HEPH: variants seen among roughly 807,000 people sequenced by gnomAD.
HEPH encodes hephaestin.
In HEPH, 69 loss-of-function variants were observed where a neutral mutation model predicts 80.8. The ratio of observed to expected loss-of-function variants is 0.85; its 90% CI spans 0.70 to 1.04. The LOEUF (loss-of-function observed/expected upper bound fraction) is 1.04, where lower values mean the gene tolerates loss of function less well. Among genes scored for constraint, HEPH ranks in the 50% least tolerant of loss-of-function variants. HEPH has a pLI of 0.00. For missense variants in HEPH, 1,115 were observed against 891.3 expected, an observed-to-expected ratio of 1.25 and a Z score of -3.20; for synonymous variants, 431 against 322.8, an observed-to-expected ratio of 1.34 and a Z score of -3.60.
At chrX:66,226,795 T>TA (rs1293014970) in intron 15 of HEPH, among the ~76,000 whole-genome samples, 3 of 110,937 alleles carry the variant, frequency 2.7e-5, no homozygotes, top group Admixed American at 9.6e-5. Context: ...GAAATGGTAA[T>TA]AAAAAAATTG....
At chrX:66,258,137 C>G (rs1400978131) in intron 17 of HEPH, among the ~76,000 whole-genome samples, 1 of 111,897 alleles carries the variant, frequency 8.9e-6, no homozygotes, top group Non-Finnish European at 1.9e-5. Flanking sequence ...TGTATACATA[C>G]ATTCTTTCCT....
chrX:66,174,512 C>A (rs1422432145), intron 4 of HEPH, among the ~76,000 whole-genome samples: 1 of 111,732 alleles, frequency 8.9e-6, no homozygotes, highest in East Asian at 2.8e-4. Flanking sequence ...TTCTTTTCCT[C>A]TGGGTAGATG....
chrX:66,208,372 A>T, intron 15 of HEPH, 126 bp downstream of exon 15: 1 of 672,492 alleles, frequency 1.5e-6, no homozygotes, highest in Non-Finnish European at 2.1e-6. Context: ...TAATCCCAGC[A>T]GTTTGAGAGG....
intron 15 of HEPH, among the ~76,000 whole-genome samples, chrX:66,241,835 A>T (rs1204251920): frequency 9.0e-6 from 1 of 111,245 alleles, no homozygotes; most frequent in Non-Finnish European, 1.9e-5. Context: ...CTGTAACAGA[A>T]TTACAAAACA....
intron 15 of HEPH, among the ~76,000 whole-genome samples, chrX:66,218,520 C>T (rs935696652): frequency 6.3e-5 from 7 of 111,793 alleles, no homozygotes; most frequent in African/African-American, 2.3e-4. Flanking sequence ...CACAACCTAT[C>T]GAAACCTCTG....
rs1030665684 is a variant in HEPH at position 66,266,465 on chromosome X, A to C, written c.3270A>C (p.Glu1090Asp). ...CAGTGCCCCCCAGAGACATTGAAGA[A>C]GGCAATGTGAAGATGCTGGGCATGC... ...EKAVPPRDIE[E>D]GNVKMLGMQI... The change falls in exon 21 of 21, where the codon GAA (glutamate) becomes GAC (aspartate). Residue 1090 changes from glutamate (E) to aspartate (D), a missense_variant. Transcript: ENST00000343002. 1.4e-5 allele frequency: 17 copies of C among 1,205,815 alleles called. No individual in the cohort carries two copies. The highest frequency in any genetic ancestry group is 1.9e-5 in the Non-Finnish European group (17 of 893,006).
In HEPH at chrX:66,256,319, A is replaced by G; in HGVS notation, c.2885A>G (p.Asn962Ser). ...NLQDETFLES[N>S]KMHAINGKLY... Reference sequence around the variant, plus strand: ...CAGGATGAAACTTTCTTGGAGAGCAATAAAATGCATGGTCAGTAGTAAAAA... The same window carrying G: ...CAGGATGAAACTTTCTTGGAGAGCAGTAAAATGCATGGTCAGTAGTAAAAA... Residue 962 changes from asparagine (N) to serine (S), a missense_variant, in exon 17 of 21, where the codon AAT becomes AGT. By Grantham distance (46) the Asn-to-Ser change is conservative. Around this residue, in one of 3 missense-constraint regions of HEPH, gnomAD observed 716 missense variants for 523.5 expected, o/e 1.37. Transcript: ENST00000343002. 11 of 1,195,448 alleles carry G rather than the reference A, an allele frequency of 9.2e-6. No individual in the cohort carries two copies. The highest frequency in any genetic ancestry group is 1.1e-5 in the Non-Finnish European group (10 of 881,283).
At chrX:66,191,704 C>T (rs769031926) in intron 6 of HEPH, among the ~76,000 whole-genome samples, 4 of 112,043 alleles carry the variant, frequency 3.6e-5, no homozygotes, top group Non-Finnish European at 5.6e-5. Context: ...AAATTTGATG[C>T]TCCTACCAGC....
At chrX:66,179,046 C>G (rs1307693158) in intron 4 of HEPH, among the ~76,000 whole-genome samples, 1 of 111,539 alleles carries the variant, frequency 9.0e-6, no homozygotes, top group African/African-American at 3.3e-5. Context: ...ATGGTATTGC[C>G]TAGGTTTTCT....
In HEPH at chrX:66,203,406, C is replaced by A. The variant is rs775221683; in HGVS notation, c.2120C>A (p.Ala707Glu). ...TGCCAGGCAGGCAGCCATCGAGAAG[C>A]AGGGATGAGGGCAATCTATAATGTC... ...IYCQAGSHRE[A>E]GMRAIYNVSQ... is the part of the protein sequence containing the mutation. The change falls in exon 13 of 21, where the codon GCA (alanine) becomes GAA (glutamate). Residue 707 changes from alanine (A) to glutamate (E), a missense_variant. Coordinates refer to ENST00000343002, the MANE Select transcript of HEPH (RefSeq NM_001367233.3). 1.7e-6 allele frequency: 2 copies of A among 1,210,536 alleles called. No homozygotes were observed. The highest frequency in any genetic ancestry group is 2.2e-6 in the Non-Finnish European group (2 of 895,113).
At chrX:66,233,424 T>G (rs2090236083) in intron 15 of HEPH, among the ~76,000 whole-genome samples, 1 of 111,571 alleles carries the variant, frequency 9.0e-6, no homozygotes, top group African/African-American at 3.3e-5. Flanking sequence ...GGCTTTGTAG[T>G]GCTTTGGCTG....
chrX:66,214,529 C>A (rs1238731510), intron 15 of HEPH, among the ~76,000 whole-genome samples: 4 of 111,066 alleles, frequency 3.6e-5, no homozygotes, highest in Non-Finnish European at 7.6e-5. Context: ...GAATTTTGGC[C>A]TCATAGTTTG....
intron 8 of HEPH, among the ~76,000 whole-genome samples, chrX:66,194,538 A>T (rs755702915): frequency 8.9e-6 from 1 of 112,197 alleles, no homozygotes; most frequent in Admixed American, 9.5e-5. Context: ...GTGGTGGGTA[A>T]TGAAGTTCAG....
intron 20 of HEPH, among the ~76,000 whole-genome samples, chrX:66,265,145 T>A (rs1232125631): frequency 9.0e-6 from 1 of 111,073 alleles, no homozygotes; most frequent in Non-Finnish European, 1.9e-5. Flanking sequence ...GAACTCATTA[T>A]ATTCTGTCTT....
In HEPH at chrX:66,266,714, T is replaced by C; in HGVS notation, c.*42T>C. The stretch of plus-strand genomic sequence containing the variant: ...ATATCCTCAGGAAGCACATCTGTAG[T>C]GCACTCCCAGCAGGCCATGGACTAG... On this transcript the variant is annotated 3_prime_UTR_variant, in exon 21 of 21. Transcript: ENST00000343002. 1 of 983,959 alleles carries C rather than the reference T, an allele frequency of 1.0e-6. No homozygotes were observed. Among genetic ancestry groups the C allele is most frequent in the East Asian group, 3.1e-5 (1 of 31,934 alleles). The allele number at this position is 983,959 out of a possible 1,213,427, so 81.1% of individuals were successfully genotyped here.
At chrX:66,199,490 T>C (rs768782081) in intron 11 of HEPH, among the ~76,000 whole-genome samples, 5 of 111,687 alleles carry the variant, frequency 4.5e-5, no homozygotes, top group Non-Finnish European at 9.4e-5. Context: ...GTTAGTTTCA[T>C]CATTTGGAAA....
Position 66,256,118 on chromosome X carries a change from G to T in HEPH, c.2684G>T (p.Gly895Val). The stretch of plus-strand genomic sequence containing the variant: ...TCCCTTCCTCAGGACATGTATAGTG[G>T]CCTGGTGGGGCCCTTGGCTATCTGC... ...AVDPIKDMYS[G>V]LVGPLAICQK... The change falls in exon 17 of 21, where the codon GGC (glycine) becomes GTC (valine). Residue 895 changes from glycine (G) to valine (V), a missense_variant. Gly to Val is a moderately radical substitution (Grantham distance 109). Coordinates refer to ENST00000343002, the MANE Select transcript of HEPH (RefSeq NM_001367233.3). 1.7e-6 allele frequency: 2 copies of T among 1,207,073 alleles called. No individual in the cohort carries two copies.
At chrX:66,229,348 G>T (rs1346119435) in intron 15 of HEPH, among the ~76,000 whole-genome samples, 3 of 112,040 alleles carry the variant, frequency 2.7e-5, no homozygotes, top group Non-Finnish European at 5.6e-5. Context: ...AAGTAACTCA[G>T]GAATGGAAAA....
At chrX:66,194,610 T>A (rs1396219504) in intron 8 of HEPH, among the ~76,000 whole-genome samples, 1 of 111,599 alleles carries the variant, frequency 9.0e-6, no homozygotes. Context: ...ATATCATAAT[T>A]CTCTTTGCTC....
Sources: gnomAD v4.1 joint callset for allele counts (sites outside exome capture counted in the v4.1 genomes callset) on GRCh38, gnomAD v4.1.1 for gene constraint, gnomAD v4.1.1 regional missense constraint, MANE v1.5 for transcripts, NCBI Gene and HGNC (gene_info 2026-07-23, HGNC 2026-07-21) for gene names.